Variants in BMERB1 observed in about 807,000 individuals in gnomAD.
BMERB1 encodes the protein bMERB domain containing 1.
In BMERB1, 12 loss-of-function variants were observed where a neutral mutation model predicts 23.6. That is an observed-to-expected ratio of 0.51 (90% CI 0.33 to 0.82). The LOEUF (loss-of-function observed/expected upper bound fraction) is 0.82, where lower values mean the gene tolerates loss of function less well. BMERB1 is among the 40% of genes least tolerant of loss of function. The pLI, the probability that BMERB1 is intolerant of heterozygous loss-of-function variation, is 0.03. For synonymous variants in BMERB1, 122 were observed against 96.6 expected (o/e 1.26, Z -1.54); for missense variants, 247 against 255.4 (o/e 0.97, Z 0.22).
intron 2 of BMERB1, among the ~76,000 whole-genome samples, chr16:15,541,846 C>T (rs2052085675): frequency 6.6e-6 from 1 of 151,616 alleles, no homozygotes; most frequent in African/African-American, 2.4e-5. Context: ...TCATGATCCG[C>T]CCGCCTCGGC....
intron 1 of BMERB1, among the ~76,000 whole-genome samples, chr16:15,481,734 T>C (rs1363319319): frequency 1.3e-5 from 2 of 151,830 alleles, no homozygotes; most frequent in East Asian, 3.9e-4. Flanking sequence ...TTTCTTTTTT[T>C]TTTTTGAGAT....
intron 2 of BMERB1, among the ~76,000 whole-genome samples, chr16:15,558,812 G>C (rs931617157): frequency 3.3e-5 from 5 of 151,102 alleles, no homozygotes; most frequent in African/African-American, 1.2e-4. Flanking sequence ...GGCAAGTTAA[G>C]TTTGGTGGGC....
intron 1 of BMERB1, among the ~76,000 whole-genome samples, chr16:15,492,549 C>A (rs1369155543): frequency 6.6e-6 from 1 of 152,220 alleles, no homozygotes; most frequent in Non-Finnish European, 1.5e-5. Context: ...CTGGCAGACA[C>A]TCCCTCAGCC....
intron 2 of BMERB1, among the ~76,000 whole-genome samples, chr16:15,567,677 C>T (rs950752792): frequency 3.3e-5 from 5 of 152,130 alleles, no homozygotes; most frequent in African/African-American, 4.8e-5. Flanking sequence ...GCAGGAGAAT[C>T]GCTTGAACCC....
intron 1 of BMERB1, among the ~76,000 whole-genome samples, chr16:15,455,317 C>T: frequency 8.4e-6 from 1 of 118,824 alleles, no homozygotes. Context: ...AATGGAGACT[C>T]TGTCTCAAAA....
intron 1 of BMERB1, among the ~76,000 whole-genome samples, chr16:15,474,780 C>CG (rs1567460397): frequency 6.6e-6 from 1 of 152,062 alleles, no homozygotes; most frequent in African/African-American, 2.4e-5. Flanking sequence ...CCTCTGCCTC[C>CG]GGTGTTCAAG....
chr16:15,469,081 T>A (rs2051207939), intron 1 of BMERB1, among the ~76,000 whole-genome samples: 1 of 151,590 alleles, frequency 6.6e-6, no homozygotes. Context: ...GATTCTTGTG[T>A]CTCAGCTAAG....
chr16:15,484,636 AGG>A (rs1429034913), intron 1 of BMERB1, among the ~76,000 whole-genome samples: 1 of 152,162 alleles, frequency 6.6e-6, no homozygotes, highest in Non-Finnish European at 1.5e-5. Context: ...TCCTGACCTC[AGG>A]TAATCTGCCC....
chr16:15,470,137 T>C (rs538781417), intron 1 of BMERB1, among the ~76,000 whole-genome samples: 1 of 152,294 alleles, frequency 6.6e-6, no homozygotes, highest in African/African-American at 2.4e-5. Flanking sequence ...CTTTATTAAG[T>C]TGAGAATGTT....
chr16:15,567,080 A>G lies in BMERB1; in HGVS notation c.231-903A>G, dbSNP rs544178770. On this transcript the variant is annotated intron_variant, in intron 2 of 5. Transcript: ENST00000300006. Reference sequence around the variant, plus strand: ...TACTCCGTAGGGGGCTGGGGTTGGGAGGGGTTGTGCAGAGGTGGGAGGATC... The same window carrying G: ...TACTCCGTAGGGGGCTGGGGTTGGGGGGGGTTGTGCAGAGGTGGGAGGATC... 9.8e-4 allele frequency among the ~76,000 whole-genome samples: 149 copies of G among 152,002 alleles called. 2 individuals carry two copies. The highest frequency in any genetic ancestry group is 3.4e-3 in the African/African-American group (142 of 41,460).
rs1430650334 is a variant in BMERB1 at position 15,587,943 on chromosome 16, A to T, written c.*1114A>T. On this transcript the variant is annotated 3_prime_UTR_variant, in exon 6 of 6. Coordinates refer to ENST00000300006, the MANE Select transcript of BMERB1 (RefSeq NM_033201.3). ...GCAGTCACCCATCAGAGAAAATAAA[A>T]ATGGAAACCACGTTCACAGCATTTT... The T allele has an allele frequency of 6.5e-6, 1 of 152,858 alleles. No homozygotes were observed. Among genetic ancestry groups the T allele is most frequent in the Non-Finnish European group, 1.5e-5 (1 of 68,152 alleles). The allele number at this position is 152,858 out of a possible 1,614,324, so 9.5% of individuals were successfully genotyped here.
At chr16:15,440,650 A>G (rs926814744) in intron 1 of BMERB1, among the ~76,000 whole-genome samples, 2 of 152,176 alleles carry the variant, frequency 1.3e-5, no homozygotes, top group Non-Finnish European at 2.9e-5. Flanking sequence ...ATATGAAAAT[A>G]AAAAGTAAAA....
rs146574674 is a variant in BMERB1, at chr16:15,498,622, AAG to A, written c.107-16679_107-16678del. On this transcript the variant is annotated intron_variant, in intron 1 of 5. Coordinates refer to ENST00000300006, the MANE Select transcript of BMERB1 (RefSeq NM_033201.3). The stretch of plus-strand genomic sequence containing the variant: ...GGAGAAAGGAAGGAAGGAAAAAAGA[AAG>A]AGAAAGGAAGAAAGAGGAAGGAAGG... 1.8e-3 allele frequency among the ~76,000 whole-genome samples: 274 copies of A among 152,088 alleles called. 5 individuals are homozygous for A. In the East Asian group the frequency reaches 0.038, roughly 21 times the overall value.
intron 2 of BMERB1, among the ~76,000 whole-genome samples, chr16:15,565,278 G>C (rs1463428395): frequency 6.6e-6 from 1 of 152,154 alleles, no homozygotes; most frequent in East Asian, 1.9e-4. Context: ...GTACTCAGTT[G>C]AGCCTCTTTA....
intron 1 of BMERB1, among the ~76,000 whole-genome samples, chr16:15,436,910 AC>A (rs1200338682): frequency 1.2e-4 from 18 of 152,292 alleles, no homozygotes; most frequent in South Asian, 2.1e-4. Context: ...ATTTAAAAAA[AC>A]ATTTTAAAAT....
intron 2 of BMERB1, among the ~76,000 whole-genome samples, chr16:15,520,759 T>G (rs368980823): frequency 6.6e-6 from 1 of 152,180 alleles, no homozygotes; most frequent in Non-Finnish European, 1.5e-5. Context: ...AGTGCTGGGA[T>G]TACAGGCATG....
chr16:15,483,041 C>T (rs1217637552), intron 1 of BMERB1, among the ~76,000 whole-genome samples: 1 of 152,174 alleles, frequency 6.6e-6, no homozygotes, highest in African/African-American at 2.4e-5. Context: ...TTTCTAGTAA[C>T]CTTTTAATAT....
chr16:15,448,885 G>A (rs1214589540), intron 1 of BMERB1, among the ~76,000 whole-genome samples: 1 of 152,162 alleles, frequency 6.6e-6, no homozygotes, highest in Non-Finnish European at 1.5e-5. Flanking sequence ...GAGATTTTCA[G>A]ATCAGATACA....
At chr16:15,520,243 CCTTAAG>C (rs2051833800) in intron 2 of BMERB1, among the ~76,000 whole-genome samples, 1 of 152,100 alleles carries the variant, frequency 6.6e-6, no homozygotes, top group Admixed American at 6.5e-5. Flanking sequence ...GAGCCCTTAA[CCTTAAG>C]CTGTTCTGTT....
Sources: gnomAD v4.1 joint callset for allele counts (sites outside exome capture counted in the v4.1 genomes callset) on GRCh38, gnomAD v4.1.1 for gene constraint, MANE v1.5 for transcripts, NCBI Gene and HGNC (gene_info 2026-07-23, HGNC 2026-07-21) for gene names.